Variants in SFPQ observed in about 807,000 individuals in gnomAD.
SFPQ encodes the protein splicing factor proline and glutamine rich.
A neutral mutation model predicts 72.9 loss-of-function variants in SFPQ; 11 were observed. That is an observed-to-expected ratio of 0.15 (90% confidence interval 0.09 to 0.25). The LOEUF (loss-of-function observed/expected upper bound fraction) is 0.25. Ranked by LOEUF, SFPQ falls within the 10% of genes least tolerant of loss-of-function variation. SFPQ has a pLI of 1.00. For missense variants in SFPQ, 847 were observed against 993.3 expected, an observed-to-expected ratio of 0.85 and a Z score of 1.98; for synonymous variants, 506 against 367.3, an observed-to-expected ratio of 1.38 and a Z score of -4.32.
At chr1:35,182,339 T>C (rs1404145475), downstream of SFPQ, 2 of 985,320 alleles carry the variant, frequency 2.0e-6, no homozygotes, top group Non-Finnish European at 2.4e-6. Flanking sequence ...CACCAATTAA[T>C]AACCTGTTTG....
intron 9 of SFPQ, among the ~76,000 whole-genome samples, chr1:35,185,276 T>A (rs1314342987): frequency 1.3e-5 from 2 of 152,242 alleles, no homozygotes; most frequent in Non-Finnish European, 2.9e-5. Flanking sequence ...CATCACTATA[T>A]AACCAGAGAC....
rs112255064 is a variant in SFPQ, at chr1:35,188,876, G to A, written c.1697+127C>T. 9.4e-3 allele frequency: 6,704 copies of A among 714,058 alleles called. 56 individuals carry two copies. Among genetic ancestry groups the A allele is most frequent in the Middle Eastern group, 0.045 (115 of 2,584 alleles). The allele number at this position is 714,058 out of a possible 1,614,324, so 44.2% of individuals were successfully genotyped here. ...ATCGGGAGGCTGAGGCAAGAGAATC[G>A]CTTGAACCCAGGAAGCGGAGGTTGT... is the stretch of plus-strand genomic sequence containing the variant. On this transcript the variant is annotated intron_variant, in intron 6 of 9. Transcript: ENST00000357214.
chr1:35,184,117 A>G lies in SFPQ; in HGVS notation c.*339T>C, dbSNP rs559889169. ...GCATGAATGGCAAAGTTGAAGATCAATATTATAACTATTTTTCTATTTATT... is the reference window on the plus strand; with the variant it reads ...GCATGAATGGCAAAGTTGAAGATCAGTATTATAACTATTTTTCTATTTATT... On this transcript the variant is annotated 3_prime_UTR_variant, in exon 10 of 10. Transcript: ENST00000357214. 6 of 1,133,650 alleles carry G rather than the reference A, an allele frequency of 5.3e-6. No homozygotes were observed. The highest frequency in any genetic ancestry group is 5.4e-6 in the Non-Finnish European group (5 of 924,010). 70.2% of individuals were successfully genotyped at this position (1,133,650 alleles called of 1,614,324 possible).
Position 35,191,369 on chromosome 1 carries a change from T to C in SFPQ, c.989A>G (p.Lys330Arg), listed in dbSNP as rs1639988404. The change falls in exon 2 of 10, where the codon AAA (lysine) becomes AGA (arginine). Residue 330 changes from lysine (K) to arginine (R), a missense_variant. Transcript: ENST00000357214. Reference sequence around the variant, plus strand: ...CTTAATAAATCCGAATCCTTTGCCTTTGTTGATAAAAACTTCTCCTGGTTC... The same window carrying C: ...CTTAATAAATCCGAATCCTTTGCCTCTGTTGATAAAAACTTCTCCTGGTTC... ...YGEPGEVFIN[K>R]GKGFGFIKLE... 1 of 1,614,096 alleles carries C rather than the reference T, an allele frequency of 6.2e-7. No individual in the cohort carries two copies. The highest frequency in any genetic ancestry group is 8.5e-7 in the Non-Finnish European group (1 of 1,179,932).
rs1413416493 is a variant in SFPQ at position 35,193,101 on chromosome 1, C to T, written c.-52G>A. ...AAAAGCGAAGAAGACGCTCAGGAAA[C>T]GTGGAGGCCACCTTGCTTCTCACAA... is the stretch of plus-strand genomic sequence containing the variant. On this transcript the variant is annotated 5_prime_UTR_variant, in exon 1 of 10. Coordinates refer to ENST00000357214, the MANE Select transcript of SFPQ (RefSeq NM_005066.3). The T allele has an allele frequency of 3.3e-6, 5 of 1,500,164 alleles. No homozygotes were observed. The highest frequency in any genetic ancestry group is 2.5e-5 in the East Asian group (1 of 39,368). 92.9% of individuals were successfully genotyped at this position (1,500,164 alleles called of 1,614,324 possible). A position where few individuals can be genotyped will look rare whatever the true frequency, so the allele number is the denominator to read the frequency against.
chr1:35,188,162 G>A, intron 6 of SFPQ, 72 bp from the exon 7 acceptor site: 1 of 1,156,334 alleles, frequency 8.6e-7, no homozygotes, highest in Non-Finnish European at 1.3e-6. Context: ...AAGAAACCTA[G>A]CAGTTGACCT....
At chr1:35,182,671 A>G, downstream of SFPQ, 2 of 985,448 alleles carry the variant, frequency 2.0e-6, no homozygotes, top group Non-Finnish European at 2.4e-6. Context: ...GCACCAAGAA[A>G]AGAGGTGAAA....
downstream of SFPQ, chr1:35,180,125 G>GTC (rs1639405897): frequency 9.5e-7 from 1 of 1,048,572 alleles, no homozygotes; most frequent in Non-Finnish European, 1.2e-6. Context: ...CAGAAGAAAA[G>GTC]TCTCATAGTC....
downstream of SFPQ, chr1:35,178,468 T>A (rs1557777605): frequency 9.4e-7 from 1 of 1,064,044 alleles, no homozygotes; most frequent in Non-Finnish European, 1.1e-6. Context: ...CTGACCACCT[T>A]CAGCAGGAGT....
Position 35,192,406 on chromosome 1 carries a change from C to A in SFPQ, c.644G>T (p.Gly215Val). ...GCCCGGGCCGCCACCTGGCTTCGGC[C>A]CGCCAGGCATTTTGCCGCCTTTGGG... ...GGPKGGKMPG[G>V]PKPGGGPGLS... Residue 215 changes from glycine (G) to valine (V), a missense_variant, in exon 1 of 10, where the codon GGG (glycine) becomes GTG (valine). Physicochemically the swap from Gly to Val is moderately radical, Grantham distance 109. Around this residue, in one of 6 missense-constraint regions of SFPQ, gnomAD observed 498 missense variants for 405.1 expected, o/e 1.23. Transcript: ENST00000357214. The A allele has an allele frequency of 3.5e-6, 5 of 1,424,134 alleles. No individual in the cohort carries two copies. The highest frequency in any genetic ancestry group is 1.5e-5 in the African/African-American group (1 of 66,626). 88.2% of individuals were successfully genotyped at this position (1,424,134 alleles called of 1,614,324 possible). A position where few individuals can be genotyped will look rare whatever the true frequency, so the allele number is the denominator to read the frequency against.
In SFPQ at chr1:35,184,417, AAAAC is replaced by A. The variant is rs1639617662; in HGVS notation, c.*35_*38del. The A allele has an allele frequency of 3.1e-6, 5 of 1,591,858 alleles. No individual in the cohort carries two copies. Among genetic ancestry groups the A allele is most frequent in the Non-Finnish European group, 4.3e-6 (5 of 1,173,900 alleles). ...TTTAAAAGATTGGTATCTAAACAAAAAAACAAAACAAACTGGAATGAAAGCCTAA... is the reference window on the plus strand; with the variant it reads ...TTTAAAAGATTGGTATCTAAACAAAAAAAACAAACTGGAATGAAAGCCTAA... On this transcript the variant is annotated 3_prime_UTR_variant, in exon 10 of 10. Transcript: ENST00000357214.
chr1:35,181,454 GTACAA>G (rs1440524982), downstream of SFPQ: 7 of 1,063,280 alleles, frequency 6.6e-6, no homozygotes, highest in East Asian at 3.0e-4. Flanking sequence ...TATATTAGTG[GTACAA>G]TACATCTATA....
chr1:35,177,268 C>T (rs1472330888), intron 5 of SFPQ: 10 of 152,076 alleles, frequency 6.6e-5, no homozygotes, highest in South Asian at 6.2e-4. Context: ...TTTGTACCAC[C>T]CAAGGGCCTT....
chr1:35,191,213 AGAATGGT>A, intron 2 of SFPQ, 121 bp downstream of exon 2: 1 of 894,544 alleles, frequency 1.1e-6, no homozygotes. Flanking sequence ...TTTTCCTGTA[AGAATGGT>A]GAAAAATCTA....
At chr1:35,191,752 T>C (rs12040076) in intron 1 of SFPQ, among the ~76,000 whole-genome samples, 5 of 146,774 alleles carry the variant, frequency 3.4e-5, no homozygotes, top group African/African-American at 8.0e-5. Context: ...CCCCAAAGAG[T>C]AGACGTCCAT....
chr1:35,190,681 C>T lies in SFPQ; in HGVS notation c.1319+13G>A. The T allele has an allele frequency of 1.2e-6, 2 of 1,612,128 alleles. No individual in the cohort carries two copies. Among genetic ancestry groups the T allele is most frequent in the Non-Finnish European group, 1.7e-6 (2 of 1,178,934 alleles). ...AGTTGATAGAAATTATTAGAATAAA[C>T]AAGACAACTTACGTCGTCAGTAAGA... On this transcript the variant is annotated intron_variant, in intron 3 of 9. Coordinates refer to ENST00000357214, the MANE Select transcript of SFPQ (RefSeq NM_005066.3).
chr1:35,182,565 T>C, downstream of SFPQ: 1 of 985,444 alleles, frequency 1.0e-6, no homozygotes, highest in Non-Finnish European at 1.2e-6. Flanking sequence ...AGTGCTCAGA[T>C]TGTTCCAACA....
intron 6 of SFPQ, 46 bp downstream of exon 6, chr1:35,188,957 C>G (rs749748563): frequency 1.3e-5 from 19 of 1,502,824 alleles, no homozygotes; most frequent in Non-Finnish European, 1.5e-5. Context: ...TGATACGTTT[C>G]AAAGAAAAAA....
downstream of SFPQ, chr1:35,180,985 A>G: frequency 9.4e-7 from 1 of 1,064,966 alleles, no homozygotes; most frequent in East Asian, 5.0e-5. Flanking sequence ...CTCTAACCCC[A>G]CACCCACACA....
Sources: allele counts gnomAD v4.1 joint callset (sites outside exome capture counted in the v4.1 genomes callset), GRCh38; gene constraint gnomAD v4.1.1; regional missense constraint gnomAD v4.1.1; transcripts MANE v1.5; gene names NCBI Gene and HGNC (gene_info 2026-07-23, HGNC 2026-07-21).